ST6GALNAC3: variants seen among roughly 807,000 people sequenced by gnomAD.
ST6GALNAC3 encodes the protein alpha-N-acetylgalactosaminide alpha-2,6-sialyltransferase 3.
Under a neutral mutation model 32.7 loss-of-function variants are expected in ST6GALNAC3, and 25 were observed. The observed-to-expected ratio is 0.76, with a 90% CI of 0.56 to 1.07. The LOEUF is 1.07. Ranked by LOEUF, ST6GALNAC3 falls within the 50% of genes least tolerant of loss-of-function variation. ST6GALNAC3 has a pLI of 0.00. For missense variants in ST6GALNAC3, 355 were observed against 382.4 expected, an observed-to-expected ratio of 0.93 and a Z score of 0.60; for synonymous variants, 129 against 133.1, an observed-to-expected ratio of 0.97 and a Z score of 0.21.
At chr1:76,357,930 A>T (rs998952773) in intron 2 of ST6GALNAC3, among the ~76,000 whole-genome samples, 1 of 152,212 alleles carries the variant, frequency 6.6e-6, no homozygotes, top group Non-Finnish European at 1.5e-5. Context: ...CTTGGAGAAG[A>T]GAAAAGTAAT....
At chr1:76,404,301 G>T (rs1365213695) in intron 2 of ST6GALNAC3, among the ~76,000 whole-genome samples, 1 of 151,978 alleles carries the variant, frequency 6.6e-6, no homozygotes, top group Non-Finnish European at 1.5e-5. Context: ...TTGTGGAGGG[G>T]CAAGGAAGTA....
chr1:76,459,742 A>G (rs767591938), intron 3 of ST6GALNAC3, among the ~76,000 whole-genome samples: 3 of 152,176 alleles, frequency 2.0e-5, no homozygotes, highest in Non-Finnish European at 4.4e-5. Flanking sequence ...GAATCATACA[A>G]TAAGTGGACT....
chr1:76,281,752 C>A (rs1056761597), intron 1 of ST6GALNAC3, among the ~76,000 whole-genome samples: 1 of 152,092 alleles, frequency 6.6e-6, no homozygotes. Flanking sequence ...CTTTGCTACT[C>A]GATTATGCTG....
At chr1:76,233,799 G>A (rs1656499088) in intron 1 of ST6GALNAC3, among the ~76,000 whole-genome samples, 2 of 152,122 alleles carry the variant, frequency 1.3e-5, no homozygotes, top group Non-Finnish European at 2.9e-5. Flanking sequence ...TACAGTAGTG[G>A]TGAAGTCTGG....
intron 2 of ST6GALNAC3, among the ~76,000 whole-genome samples, chr1:76,407,869 A>C (rs920111805): frequency 1.3e-5 from 2 of 152,064 alleles, no homozygotes; most frequent in Admixed American, 6.6e-5. Flanking sequence ...ATATGGAATA[A>C]ATTTTCAAGC....
chr1:76,628,921 A>G lies in ST6GALNAC3; in HGVS notation c.*115A>G. 1 of 1,529,696 alleles carries G rather than the reference A, an allele frequency of 6.5e-7. No individual in the cohort carries two copies. The highest frequency in any genetic ancestry group is 8.7e-7 in the Non-Finnish European group (1 of 1,149,234). 94.8% of individuals were successfully genotyped at this position (1,529,696 alleles called of 1,614,324 possible). On this transcript the variant is annotated 3_prime_UTR_variant, in exon 5 of 5. Coordinates refer to ENST00000328299, the MANE Select transcript of ST6GALNAC3 (RefSeq NM_152996.4). ...GATAAAGACAACAACAATGATTATC[A>G]AGTTCCTGTACACTCTCAGATGTGG...
At chr1:76,504,795 A>G (rs2101736170) in intron 3 of ST6GALNAC3, among the ~76,000 whole-genome samples, 1 of 152,320 alleles carries the variant, frequency 6.6e-6, no homozygotes, top group African/African-American at 2.4e-5. Flanking sequence ...TAAACTATTA[A>G]GTAGTAGTAT....
chr1:76,573,151 T>G (rs1646737638), intron 3 of ST6GALNAC3, among the ~76,000 whole-genome samples: 1 of 152,120 alleles, frequency 6.6e-6, no homozygotes, highest in African/African-American at 2.4e-5. Flanking sequence ...TGAAGTCACT[T>G]AGCCATGTCT....
intron 3 of ST6GALNAC3, among the ~76,000 whole-genome samples, chr1:76,485,563 G>T (rs1237849916): frequency 9.2e-5 from 14 of 152,170 alleles, no homozygotes; most frequent in African/African-American, 3.4e-4. Context: ...GGGATCAGTG[G>T]TGATATCCCC....
chr1:76,129,766 G>A (rs399529), intron 1 of ST6GALNAC3, among the ~76,000 whole-genome samples: 22,918 of 152,126 alleles, frequency 0.15, 1,873 homozygotes, highest in Non-Finnish European at 0.18. Flanking sequence ...GCATTCACAT[G>A]CAGCACAGAG....
chr1:76,563,679 C>A (rs1333431624), intron 3 of ST6GALNAC3, among the ~76,000 whole-genome samples: 1 of 152,120 alleles, frequency 6.6e-6, no homozygotes, highest in Non-Finnish European at 1.5e-5. Flanking sequence ...TTAATTTACC[C>A]AGTGGAGAAA....
At chr1:76,549,770 A>C (rs1664514459) in intron 3 of ST6GALNAC3, among the ~76,000 whole-genome samples, 1 of 152,168 alleles carries the variant, frequency 6.6e-6, no homozygotes, top group East Asian at 1.9e-4. Context: ...ATTCGGCCAA[A>C]GTGTTCTACA....
chr1:76,374,999 G>C (rs1211600371), intron 2 of ST6GALNAC3, among the ~76,000 whole-genome samples: 1 of 152,072 alleles, frequency 6.6e-6, no homozygotes, highest in South Asian at 2.1e-4. Context: ...TATACCTGCT[G>C]TTCTGTTTTA....
chr1:76,485,688 G>T (rs1660060569), intron 3 of ST6GALNAC3, among the ~76,000 whole-genome samples: 1 of 152,046 alleles, frequency 6.6e-6, no homozygotes, highest in Non-Finnish European at 1.5e-5. Flanking sequence ...TGGATTCATT[G>T]ATTTTTTTGA....
chr1:76,479,044 T>TG lies in ST6GALNAC3; in HGVS notation c.623+66627_623+66628insG, dbSNP rs1455046652. ...TCCCAAAGTGCTGGGATTACAGGCG[T>TG]AACCCACCATGCTCTGCCTTATTAA... On this transcript the variant is annotated intron_variant, in intron 3 of 4. Coordinates refer to ENST00000328299, the MANE Select transcript of ST6GALNAC3 (RefSeq NM_152996.4). Among the ~76,000 whole-genome samples, 6 of 152,244 alleles carry TG rather than the reference T, an allele frequency of 3.9e-5. No individual in the cohort carries two copies. In the East Asian group the frequency reaches 1.2e-3, roughly 29 times the overall value.
intron 3 of ST6GALNAC3, among the ~76,000 whole-genome samples, chr1:76,592,605 C>A (rs1253935999): frequency 6.6e-6 from 1 of 152,058 alleles, no homozygotes. Flanking sequence ...GCATTTGGAG[C>A]CCCTGACCCT....
intron 1 of ST6GALNAC3, among the ~76,000 whole-genome samples, chr1:76,238,121 C>T (rs760244819): frequency 6.6e-6 from 1 of 152,230 alleles, no homozygotes; most frequent in African/African-American, 2.4e-5. Context: ...ACTTTTCTGG[C>T]AATGCCTTTC....
chr1:76,153,981 T>C (rs1172199666), intron 1 of ST6GALNAC3, among the ~76,000 whole-genome samples: 1 of 152,296 alleles, frequency 6.6e-6, no homozygotes, highest in Middle Eastern at 3.4e-3. Flanking sequence ...GTCACAGTGA[T>C]GAGTTGCCTG....
At chr1:76,527,391 T>C (rs148121841) in intron 3 of ST6GALNAC3, among the ~76,000 whole-genome samples, 2 of 152,232 alleles carry the variant, frequency 1.3e-5, no homozygotes, top group African/African-American at 2.4e-5. Context: ...TTAAATAGTT[T>C]TGGAAAAATT....
Sources: allele counts gnomAD v4.1 joint callset (sites outside exome capture counted in the v4.1 genomes callset), GRCh38; gene constraint gnomAD v4.1.1; transcripts MANE v1.5; gene names NCBI Gene and HGNC (gene_info 2026-07-23, HGNC 2026-07-21).